NXN: variants seen among roughly 807,000 people sequenced by gnomAD.
The protein encoded by NXN is nucleoredoxin 1.
In NXN, 16 loss-of-function variants were observed where a neutral mutation model predicts 48.6. The observed-to-expected ratio is 0.33, with a 90% CI of 0.22 to 0.50. The LOEUF is 0.50. NXN is among the 20% of genes least tolerant of loss of function. The pLI, the probability that NXN is intolerant of heterozygous loss-of-function variation, is 0.98. For synonymous variants in NXN, 281 were observed against 269.6 expected, an observed-to-expected ratio of 1.04 and a Z score of -0.41; for missense variants, 492 against 605.5, an observed-to-expected ratio of 0.81 and a Z score of 1.97.
Position 979,350 on chromosome 17 carries a change from A to G in NXN, c.329T>C (p.Leu110Pro). Residue 110 changes from leucine (L) to proline (P), a missense_variant, in exon 1 of 8, where the codon CTG (leucine) becomes CCG (proline). By Grantham distance (98) the Leu-to-Pro change is moderately conservative. Transcript: ENST00000336868. The stretch of plus-strand genomic sequence containing the variant: ...GTGCTTCTCCTTGTAGGGCAGCGCC[A>G]GCCACGGCATGTCCCGCACGAAGTC... ...WQDFVRDMPW[L>P]ALPYKEKHRK... is the part of the protein sequence containing the mutation. 2 of 1,538,578 alleles carry G rather than the reference A, an allele frequency of 1.3e-6. No individual in the cohort carries two copies. Among genetic ancestry groups the G allele is most frequent in the Non-Finnish European group, 8.7e-7 (1 of 1,147,788 alleles).
intron 1 of NXN, among the ~76,000 whole-genome samples, chr17:976,451 G>T (rs1176667173): frequency 6.6e-6 from 1 of 152,138 alleles, no homozygotes; most frequent in Non-Finnish European, 1.5e-5. Flanking sequence ...TGGGCTTAAA[G>T]AACAAATGTT....
chr17:834,414 C>T (rs113165609), intron 1 of NXN, among the ~76,000 whole-genome samples: 4,465 of 152,230 alleles, frequency 0.029, 81 homozygotes, highest in Non-Finnish European at 0.046. Context: ...ATCCTGGCAA[C>T]GTATCCACCC....
At chr17:838,126 CTTTTTTT>C (rs66721481) in intron 1 of NXN, among the ~76,000 whole-genome samples, 1 of 99,188 alleles carries the variant, frequency 1.0e-5, no homozygotes, top group Non-Finnish European at 1.9e-5. Flanking sequence ...TCCTTTCCTT[CTTTTTTT>C]TTTTTTTTTT....
intron 1 of NXN, among the ~76,000 whole-genome samples, chr17:843,006 GAGAAAGAAAGAAAGAAAGAAAGAAAGAA>G (rs781376999): frequency 8.3e-5 from 8 of 96,042 alleles, no homozygotes; most frequent in Non-Finnish European, 1.7e-4. Context: ...GAGAGAAAGA[GAGAAAGAAAGAAAGAAAGAAAGAAAGAA>G]AGAAAGAAAG....
intron 1 of NXN, 109 bp from the exon 2 acceptor site, chr17:826,187 C>A: frequency 1.3e-6 from 1 of 795,438 alleles, no homozygotes; most frequent in East Asian, 2.5e-5. Flanking sequence ...AGCATTCAAG[C>A]ACACAGAAAA....
rs943513980 is a variant in NXN, at chr17:808,959, G to A, written c.821-3712C>T. Among the ~76,000 whole-genome samples, 13 of 152,140 alleles carry A rather than the reference G, an allele frequency of 8.5e-5. No individual in the cohort carries two copies. The East Asian group carries it at 1.5e-3, about 18-fold the overall frequency. ...CCCAAACTGCTGGGATTACAGGTGT[G>A]AGGCACCGCACCCAGCCATTATATT... On this transcript the variant is annotated intron_variant, in intron 5 of 7. Coordinates refer to ENST00000336868, the MANE Select transcript of NXN (RefSeq NM_022463.5).
chr17:944,270 C>A (rs949065727), intron 1 of NXN, among the ~76,000 whole-genome samples: 16 of 152,102 alleles, frequency 1.1e-4, no homozygotes, highest in Admixed American at 2.0e-4. Context: ...AAAATACCAG[C>A]TACGCAGCCT....
intron 1 of NXN, among the ~76,000 whole-genome samples, chr17:864,482 C>G (rs2068077217): frequency 6.6e-6 from 1 of 152,182 alleles, no homozygotes; most frequent in Non-Finnish European, 1.5e-5. Flanking sequence ...GAAACAGAAT[C>G]GAGGAACAAA....
intron 1 of NXN, among the ~76,000 whole-genome samples, chr17:879,556 GGACTACAGGCATGA>G: frequency 6.6e-6 from 1 of 152,056 alleles, no homozygotes; most frequent in East Asian, 2.0e-4. Flanking sequence ...CAAAGTGCTG[GGACTACAGGCATGA>G]GCCACCGCGC....
intron 1 of NXN, among the ~76,000 whole-genome samples, chr17:847,276 C>T (rs2067874143): frequency 6.6e-6 from 1 of 151,678 alleles, no homozygotes; most frequent in Non-Finnish European, 1.5e-5. Flanking sequence ...CTTGGCAGAA[C>T]TTTCCAGTGC....
In NXN at chr17:820,611, CA is replaced by C. The variant is rs750581539; in HGVS notation, c.714-1067del. ...CGGGCGACAGAGCGAGACTCTGTCT[CA>C]AAAAAAAAAAAAAAAAAAAAAGTGA... On this transcript the variant is annotated intron_variant, in intron 4 of 7. Coordinates refer to ENST00000336868, the MANE Select transcript of NXN (RefSeq NM_022463.5). Among the ~76,000 whole-genome samples the C allele has an allele frequency of 2.4e-3, 36 of 14,730 alleles. 1 individual carries two copies. The highest frequency in any genetic ancestry group is 0.045 in the Middle Eastern group (1 of 22). The allele number at this position is 14,730 out of a possible 152,430, so 9.7% of individuals were successfully genotyped here. A position where few individuals can be genotyped will look rare whatever the true frequency, so the allele number is the denominator to read the frequency against.
intron 1 of NXN, among the ~76,000 whole-genome samples, chr17:839,939 A>T (rs986652975): frequency 6.6e-6 from 1 of 151,954 alleles, no homozygotes; most frequent in African/African-American, 2.4e-5. Flanking sequence ...TCTATTAAAC[A>T]TACAACAATT....
intron 1 of NXN, among the ~76,000 whole-genome samples, chr17:876,102 A>AC (rs1255027789): frequency 1.2e-4 from 18 of 151,554 alleles, no homozygotes; most frequent in South Asian, 2.1e-4. Flanking sequence ...AATCGCTTGA[A>AC]CCTGGGGGGG....
At chr17:850,623 C>G (rs1383039848) in intron 1 of NXN, among the ~76,000 whole-genome samples, 3 of 152,082 alleles carry the variant, frequency 2.0e-5, no homozygotes, top group African/African-American at 7.2e-5. Context: ...CTCACTCGCT[C>G]TCTCCAGGGG....
intron 1 of NXN, among the ~76,000 whole-genome samples, chr17:936,765 C>T (rs2068912556): frequency 6.7e-6 from 1 of 149,374 alleles, no homozygotes; most frequent in Non-Finnish European, 1.5e-5. Context: ...CAAACGCATA[C>T]GAGATACTTC....
At chr17:883,116 G>C (rs145996383) in intron 1 of NXN, among the ~76,000 whole-genome samples, 6 of 152,160 alleles carry the variant, frequency 3.9e-5, no homozygotes, top group Non-Finnish European at 8.8e-5. Flanking sequence ...GCTACTTGGG[G>C]AAGGCTACAC....
intron 1 of NXN, among the ~76,000 whole-genome samples, chr17:827,515 C>T (rs932402097): frequency 6.6e-6 from 1 of 152,102 alleles, no homozygotes; most frequent in Non-Finnish European, 1.5e-5. Context: ...CCCAGCTACT[C>T]GGGAGGCTGA....
chr17:840,811 C>T (rs552523543), intron 1 of NXN, among the ~76,000 whole-genome samples: 2 of 152,314 alleles, frequency 1.3e-5, no homozygotes, highest in South Asian at 4.1e-4. Flanking sequence ...TCCATCCTAA[C>T]CTGTTGCTCC....
intron 1 of NXN, among the ~76,000 whole-genome samples, chr17:979,022 A>G (rs1250243807): frequency 7.2e-6 from 1 of 138,562 alleles, no homozygotes; most frequent in African/African-American, 2.8e-5. Flanking sequence ...CCGGGGGCCG[A>G]GGGGGGTCCA....
Sources: allele counts gnomAD v4.1 joint callset (sites outside exome capture counted in the v4.1 genomes callset), GRCh38; gene constraint gnomAD v4.1.1; transcripts MANE v1.5; gene names NCBI Gene and HGNC (gene_info 2026-07-23, HGNC 2026-07-21).